The following ABLIM1 variants were observed in gnomAD, a reference collection of about 807,000 sequenced individuals.
The protein encoded by ABLIM1 is actin-binding LIM protein 1.
In ABLIM1, 40 loss-of-function variants were observed where a neutral mutation model predicts 107.0. The ratio of observed to expected loss-of-function variants is 0.37; its 90% CI spans 0.29 to 0.49. ABLIM1 has a LOEUF of 0.49. Among genes scored for constraint, ABLIM1 ranks in the 20% least tolerant of loss-of-function variants. The pLI is 0.97. For missense variants in ABLIM1, 857 were observed against 1,008.5 expected (o/e 0.85, Z 2.04); for synonymous variants, 357 against 357.3 (o/e 1.00, Z 0.01).
At chr10:114,534,131 G>A (rs2065740400) in intron 6 of ABLIM1, among the ~76,000 whole-genome samples, 1 of 152,126 alleles carries the variant, frequency 6.6e-6, no homozygotes, top group African/African-American at 2.4e-5. Flanking sequence ...AGAAGAAGGG[G>A]CATGATCACC....
chr10:114,495,782 G>C (rs1191193974), intron 6 of ABLIM1, among the ~76,000 whole-genome samples: 1 of 152,158 alleles, frequency 6.6e-6, no homozygotes, highest in Non-Finnish European at 1.5e-5. Flanking sequence ...TTTTAAAGAT[G>C]AGGAAGCTGA....
At chr10:114,687,542 C>G (rs1257513582), upstream of ABLIM1, among the ~76,000 whole-genome samples, 1 of 152,188 alleles carries the variant, frequency 6.6e-6, no homozygotes, top group East Asian at 1.9e-4. Flanking sequence ...TGCTGTCGTA[C>G]CCTGGTAACA....
the ABLIM1 span, among the ~76,000 whole-genome samples, chr10:114,800,576 C>T: frequency 6.6e-6 from 1 of 152,146 alleles, no homozygotes; most frequent in Non-Finnish European, 1.5e-5. Flanking sequence ...TACCTGAATA[C>T]AGTTGACCCG....
intron 1 of ABLIM1, among the ~76,000 whole-genome samples, chr10:114,761,349 T>C (rs1398663479): frequency 2.0e-5 from 3 of 151,524 alleles, no homozygotes; most frequent in African/African-American, 4.9e-5. Flanking sequence ...GAACAAGCCA[T>C]GCTTAGCAGA....
At chr10:114,526,039 T>C (rs755560270) in intron 6 of ABLIM1, among the ~76,000 whole-genome samples, 1 of 152,196 alleles carries the variant, frequency 6.6e-6, no homozygotes, top group Non-Finnish European at 1.5e-5. Flanking sequence ...TTTCTTTTAC[T>C]GCATATCAAA....
chr10:114,715,627 G>A (rs1037334686), intron 1 of ABLIM1, among the ~76,000 whole-genome samples: 1 of 152,156 alleles, frequency 6.6e-6, no homozygotes, highest in African/African-American at 2.4e-5. Context: ...AAAAGAAGGT[G>A]CAGAGGGAAC....
At chr10:114,767,997 C>A in intron 1 of ABLIM1, 1 of 416,486 alleles carries the variant, frequency 2.4e-6, no homozygotes, top group Non-Finnish European at 4.8e-6. Context: ...GCAGCCCCCC[C>A]GCCCTCCCGC....
chr10:114,647,868 C>A (rs74158024), intron 1 of ABLIM1, among the ~76,000 whole-genome samples: 3,240 of 152,304 alleles, frequency 0.021, 100 homozygotes, highest in African/African-American at 0.074. Context: ...AGTGAATTTA[C>A]AAGCCAGCTA....
chr10:114,746,574 C>A (rs111468640), intron 1 of ABLIM1, among the ~76,000 whole-genome samples: 4 of 152,088 alleles, frequency 2.6e-5, no homozygotes, highest in African/African-American at 4.8e-5. Context: ...TTTGACATAG[C>A]GATTTCAAAT....
Position 114,434,864 on chromosome 10 carries a change from C to G in ABLIM1, c.*1396G>C, listed in dbSNP as rs2059217366. 6.6e-6 allele frequency: 1 copy of G among 152,222 alleles called. No homozygotes were observed. The highest frequency in any genetic ancestry group is 2.4e-5 in the African/African-American group (1 of 41,460). The allele number at this position is 152,222 out of a possible 1,614,324, so 9.4% of individuals were successfully genotyped here. A position where few individuals can be genotyped will look rare whatever the true frequency, so the allele number is the denominator to read the frequency against. On this transcript the variant is annotated 3_prime_UTR_variant, in exon 23 of 23. Transcript: ENST00000533213. Reference sequence around the variant, plus strand: ...GACCTCCACATCCCACCTCATCCTTCCTCTGTGGTTCCCAGTCTGATCCTT... The same window carrying G: ...GACCTCCACATCCCACCTCATCCTTGCTCTGTGGTTCCCAGTCTGATCCTT...
At chr10:114,622,778 T>C (rs192381155) in intron 1 of ABLIM1, among the ~76,000 whole-genome samples, 28 of 152,198 alleles carry the variant, frequency 1.8e-4, no homozygotes, top group Non-Finnish European at 3.7e-4. Context: ...CCTCACCTGC[T>C]CAGCATAAAG....
At chr10:114,620,941 C>G (rs2077428441) in intron 1 of ABLIM1, among the ~76,000 whole-genome samples, 2 of 152,140 alleles carry the variant, frequency 1.3e-5, no homozygotes, top group African/African-American at 4.8e-5. Context: ...CTGCCTGATT[C>G]TCGGGGCATC....
At chr10:114,580,787 T>C (rs2073271886) in intron 2 of ABLIM1, among the ~76,000 whole-genome samples, 1 of 152,204 alleles carries the variant, frequency 6.6e-6, no homozygotes, top group African/African-American at 2.4e-5. Flanking sequence ...CACATCTAAA[T>C]GATCACAAAC....
intron 1 of ABLIM1, among the ~76,000 whole-genome samples, chr10:114,674,103 A>C (rs1591798623): frequency 6.6e-6 from 1 of 152,082 alleles, no homozygotes; most frequent in Non-Finnish European, 1.5e-5. Context: ...CAGCCTGGCC[A>C]ACATGGCGAA....
intron 20 of ABLIM1, chr10:114,439,724 C>A: frequency 2.9e-6 from 1 of 347,600 alleles, no homozygotes; most frequent in South Asian, 4.2e-5. Context: ...CATTTGAGAA[C>A]GCGCAGGAAA....
At chr10:114,745,503 G>T (rs1002902561) in intron 1 of ABLIM1, among the ~76,000 whole-genome samples, 3 of 152,210 alleles carry the variant, frequency 2.0e-5, no homozygotes, top group African/African-American at 2.4e-5. Flanking sequence ...AGAGGCCCCA[G>T]TGAGCCAAGA....
intron 1 of ABLIM1, among the ~76,000 whole-genome samples, chr10:114,607,480 G>A (rs1360586179): frequency 6.6e-6 from 1 of 152,142 alleles, no homozygotes; most frequent in African/African-American, 2.4e-5. Context: ...AGCACAATGT[G>A]GATAGGAAGA....
At chr10:114,467,025 G>A (rs1489219262) in intron 11 of ABLIM1, among the ~76,000 whole-genome samples, 1 of 152,110 alleles carries the variant, frequency 6.6e-6, no homozygotes, top group Non-Finnish European at 1.5e-5. Flanking sequence ...TGAGCATGGT[G>A]GTGTGCACCT....
chr10:114,776,444 C>A, the ABLIM1 span, among the ~76,000 whole-genome samples: 1 of 151,882 alleles, frequency 6.6e-6, no homozygotes, highest in Non-Finnish European at 1.5e-5. Context: ...GAAACCTCAT[C>A]TCTACTAAAA....
Sources: gnomAD v4.1 joint callset for allele counts (sites outside exome capture counted in the v4.1 genomes callset) on GRCh38, gnomAD v4.1.1 for gene constraint, MANE v1.5 for transcripts, NCBI Gene and HGNC (gene_info 2026-07-23, HGNC 2026-07-21) for gene names.